LOC122513141: variants seen among roughly 807,000 people sequenced by gnomAD.
the LOC122513141 span, chr9:137,218,068 G>A: frequency 5.0e-6 from 2 of 399,326 alleles, no homozygotes; most frequent in African/African-American, 2.1e-5. Flanking sequence ...AGGGGGAAGA[G>A]GAGGAGTGCC....
the LOC122513141 span, chr9:137,217,684 G>A: frequency 2.0e-5 from 6 of 302,102 alleles, no homozygotes; most frequent in Admixed American, 5.1e-5. Context: ...AGAGCCAGCC[G>A]GGAGGTCAGT....
the LOC122513141 span, chr9:137,218,683 C>G: frequency 5.0e-6 from 2 of 398,242 alleles, no homozygotes; most frequent in South Asian, 1.3e-4. Flanking sequence ...TGCTGTGAGG[C>G]CTGATGACCA....
At chr9:137,217,975 G>GC in the LOC122513141 span, 3 of 398,712 alleles carry the variant, frequency 7.5e-6, no homozygotes, top group African/African-American at 6.2e-5. Flanking sequence ...CAGCCAGTGA[G>GC]CCCCTGCTGG....
chr9:137,218,405 C>T, the LOC122513141 span: 7 of 398,166 alleles, frequency 1.8e-5, no homozygotes, highest in South Asian at 1.3e-4. Context: ...CGTGGGCGGC[C>T]GGGGCTGCCT....
the LOC122513141 span, chr9:137,219,119 C>T: frequency 6.5e-6 from 1 of 153,428 alleles, no homozygotes; most frequent in Non-Finnish European, 1.5e-5. Context: ...GGGAGGGGTC[C>T]ATGCTGCGAA....
the LOC122513141 span, chr9:137,218,302 G>T: frequency 7.5e-6 from 3 of 398,318 alleles, no homozygotes; most frequent in African/African-American, 2.1e-5. Flanking sequence ...CCTCACGCCA[G>T]CCCCGCCGAG....
the LOC122513141 span, chr9:137,218,655 C>T: frequency 2.5e-6 from 1 of 398,536 alleles, no homozygotes; most frequent in Non-Finnish European, 4.4e-6. Context: ...CAGACTGGCC[C>T]ACGTCCCCAT....
At chr9:137,217,573 C>T in the LOC122513141 span, 2 of 168,482 alleles carry the variant, frequency 1.2e-5, no homozygotes, top group South Asian at 4.0e-4. Context: ...TGAGGCTGGG[C>T]TCCAGCCAGA....
At chr9:137,218,315 G>A in the LOC122513141 span, 1 of 398,148 alleles carries the variant, frequency 2.5e-6, no homozygotes, top group East Asian at 3.6e-5. Flanking sequence ...CCGCCGAGAG[G>A]CCCCTGCATC....
At chr9:137,217,769 T>TCCTATCCTGACTCCTGCCCC in the LOC122513141 span, 1 of 375,284 alleles carries the variant, frequency 2.7e-6, no homozygotes, top group Non-Finnish European at 4.6e-6. Context: ...GTCCCTGTCC[T>TCCTATCCTGACTCCTGCCCC]CCTATCCTGA....
At chr9:137,218,585 G>A in the LOC122513141 span, 1 of 399,270 alleles carries the variant, frequency 2.5e-6, no homozygotes, top group Non-Finnish European at 4.4e-6. Context: ...CGTGCTCCTG[G>A]ACCGCTCTGG....
chr9:137,218,037 G>A, the LOC122513141 span: 2 of 399,486 alleles, frequency 5.0e-6, no homozygotes, highest in Non-Finnish European at 8.8e-6. Context: ...AAGGAGGAGG[G>A]GAGAGAGCAG....
the LOC122513141 span, chr9:137,218,252 A>G: frequency 2.5e-6 from 1 of 398,116 alleles, no homozygotes; most frequent in South Asian, 1.3e-4. Context: ...GGAATGGGAG[A>G]TCTGCCGGCT....
chr9:137,218,383 C>A, the LOC122513141 span: 4 of 398,494 alleles, frequency 1.0e-5, no homozygotes, highest in South Asian at 5.1e-4. Context: ...AGCTGCGCTT[C>A]CTGGCAGGGC....
chr9:137,218,260 G>C, the LOC122513141 span: 4 of 398,202 alleles, frequency 1.0e-5, no homozygotes, highest in African/African-American at 4.1e-5. Context: ...AGATCTGCCG[G>C]CTACAGGAGG....
the LOC122513141 span, chr9:137,218,494 G>C: frequency 1.3e-5 from 5 of 398,174 alleles, no homozygotes; most frequent in Non-Finnish European, 2.2e-5. Flanking sequence ...CCCGCCGCCT[G>C]GCGCTGCTGA....
At chr9:137,219,052 G>A in the LOC122513141 span, 75 of 159,920 alleles carry the variant, frequency 4.7e-4, no homozygotes, top group African/African-American at 2.2e-4. Flanking sequence ...CAGGGACTCC[G>A]CCCACCCTGT....
At chr9:137,218,670 G>C in the LOC122513141 span, 1 of 398,396 alleles carries the variant, frequency 2.5e-6, no homozygotes. Flanking sequence ...CCCCATGCCT[G>C]GGTGCTGTGA....
At chr9:137,217,841 G>A in the LOC122513141 span, 9 of 397,640 alleles carry the variant, frequency 2.3e-5, no homozygotes, top group African/African-American at 1.0e-4. Context: ...CCACCTGGCC[G>A]ACTCCAGCTC....
Sources: gnomAD v4.1 joint callset for allele counts on GRCh38, gnomAD v4.1.1 for gene constraint, MANE v1.5 for transcripts.